PHF3: variants seen among roughly 807,000 people sequenced by gnomAD.
PHF3 encodes PHD finger protein 3.
Under a neutral mutation model 178.4 loss-of-function variants are expected in PHF3, and 41 were observed. That is an observed-to-expected ratio of 0.23 (90% CI 0.18 to 0.30). The LOEUF is 0.30. Among genes scored for constraint, PHF3 ranks in the 10% least tolerant of loss-of-function variants. The pLI is 1.00. For missense variants in PHF3, 2,346 were observed against 2,398.1 expected (o/e 0.98, Z 0.45); for synonymous variants, 842 against 800.5 (o/e 1.05, Z -0.88).
chr6:63,684,524 A>G lies in PHF3; in HGVS notation c.802A>G (p.Lys268Glu), dbSNP rs1332358512. Residue 268 changes from lysine (K) to glutamate (E), a missense_variant, in exon 4 of 16, where the codon AAG becomes GAG. This residue lies in a region of PHF3 where 843 missense variants were observed against 795.2 expected (regional missense o/e 1.06). Transcript: ENST00000262043. Reference protein sequence around the residue: ...LSETCVTIGEKKNEALMECKA... With the variant: ...LSETCVTIGEEKNEALMECKA... ...AGAGACTTGTGTTACTATTGGAGAA[A>G]AGAAAAATGAAGCTTTGATGGAATG... The G allele has an allele frequency of 6.2e-7, 1 of 1,613,310 alleles. No homozygotes were observed. The highest frequency in any genetic ancestry group is 1.7e-5 in the Admixed American group (1 of 59,862).
At chr6:63,707,369 G>A (rs1447356386) in intron 13 of PHF3, among the ~76,000 whole-genome samples, 1 of 152,178 alleles carries the variant, frequency 6.6e-6, no homozygotes, top group Non-Finnish European at 1.5e-5. Flanking sequence ...TTGAAAACCA[G>A]TGAGACTAGT....
chr6:63,698,795 C>T (rs973198967), intron 8 of PHF3, among the ~76,000 whole-genome samples, 190 bp downstream of exon 8: 1 of 152,108 alleles, frequency 6.6e-6, no homozygotes, highest in African/African-American at 2.4e-5. Flanking sequence ...ATTAACCATT[C>T]AGTCTACTGA....
intron 2 of PHF3, among the ~76,000 whole-genome samples, chr6:63,656,752 ACT>A (rs1226409311): frequency 6.6e-6 from 1 of 152,088 alleles, no homozygotes; most frequent in African/African-American, 2.4e-5. Flanking sequence ...ATTTTCTAAT[ACT>A]CTCATACTTG....
chr6:63,648,599 G>A (rs138653150), intron 2 of PHF3, among the ~76,000 whole-genome samples: 1,832 of 152,168 alleles, frequency 0.012, 39 homozygotes, highest in African/African-American at 0.042. Flanking sequence ...AATCTCTTCA[G>A]TTTTGTTGTA....
Position 63,719,605 on chromosome 6 carries a change from G to A in PHF3, c.*5897G>A, listed in dbSNP as rs2149622116. Among the ~76,000 whole-genome samples the A allele has an allele frequency of 6.6e-6, 1 of 152,174 alleles. No individual in the cohort carries two copies. Among genetic ancestry groups the A allele is most frequent in the Admixed American group, 6.6e-5 (1 of 15,244 alleles). On this transcript the variant is annotated 3_prime_UTR_variant, in exon 16 of 16. Transcript: ENST00000262043. Reference sequence around the variant, plus strand: ...TCTGTTCACAATTGTATCAGTAACTGTTTTGGGAAAAATAATATTTTTTCA... The same window carrying A: ...TCTGTTCACAATTGTATCAGTAACTATTTTGGGAAAAATAATATTTTTTCA...
In PHF3 at chr6:63,720,455, T is replaced by C. The variant is rs1582138886; in HGVS notation, c.*6747T>C. On this transcript the variant is annotated 3_prime_UTR_variant, in exon 16 of 16. Transcript: ENST00000262043. ...GAACCTTCAGTGACATTTTACAATCTTATCAAAAAGATATGTTAGCATTTA... is the reference window on the plus strand; with the variant it reads ...GAACCTTCAGTGACATTTTACAATCCTATCAAAAAGATATGTTAGCATTTA... The C allele has an allele frequency of 1.7e-6, 1 of 605,828 alleles. No homozygotes were observed. Among genetic ancestry groups the C allele is most frequent in the East Asian group, 3.0e-5 (1 of 33,102 alleles). The allele number at this position is 605,828 out of a possible 1,614,324, so 37.5% of individuals were successfully genotyped here. A position where few individuals can be genotyped will look rare whatever the true frequency, so the allele number is the denominator to read the frequency against.
In PHF3 at chr6:63,685,023, A is replaced by C; in HGVS notation, c.1301A>C (p.Asn434Thr). Residue 434 changes from asparagine (N) to threonine (T), a missense_variant, in exon 4 of 16, where the codon AAT becomes ACT. Asn to Thr is a moderately conservative substitution (Grantham distance 65). Transcript: ENST00000262043. ...VDTSTFGPES[N>T]ILENAICDVP... ...ACTAGTACTTTTGGACCGGAAAGTA[A>C]TATCTTGGAAAATGCTATTTGTGAT... 3 of 1,614,130 alleles carry C rather than the reference A, an allele frequency of 1.9e-6. No homozygotes were observed. Among genetic ancestry groups the C allele is most frequent in the Non-Finnish European group, 2.5e-6 (3 of 1,179,998 alleles).
At chr6:63,660,030 T>C (rs1045096751) in intron 2 of PHF3, among the ~76,000 whole-genome samples, 1 of 152,058 alleles carries the variant, frequency 6.6e-6, no homozygotes, top group African/African-American at 2.4e-5. Flanking sequence ...TAGGATGTTA[T>C]TTTGTTTTTG....
chr6:63,647,808 T>C (rs1036224402), intron 2 of PHF3, among the ~76,000 whole-genome samples: 4 of 152,196 alleles, frequency 2.6e-5, no homozygotes, highest in Admixed American at 2.0e-4. Flanking sequence ...TGAGTAAAAT[T>C]ATAGGTAAAG....
rs1191137108 is a variant in PHF3, at chr6:63,719,498, T to C, written c.*5790T>C. Among the ~76,000 whole-genome samples the C allele has an allele frequency of 5.3e-5, 8 of 152,214 alleles. No individual in the cohort carries two copies. The highest frequency in any genetic ancestry group is 1.4e-4 in the African/African-American group (6 of 41,570). ...CCAAGTGGCAAAATTATCACAGATA[T>C]CAAACTCAGAAAATGTCAGGTAACA... On this transcript the variant is annotated 3_prime_UTR_variant, in exon 16 of 16. Transcript: ENST00000262043.
chr6:63,690,223 C>T (rs560877142), intron 4 of PHF3, among the ~76,000 whole-genome samples: 1 of 152,136 alleles, frequency 6.6e-6, no homozygotes, highest in South Asian at 2.1e-4. Context: ...GCTTGTCAAC[C>T]CCAAATATTC....
chr6:63,658,739 TGTG>T (rs1765343585), intron 2 of PHF3, among the ~76,000 whole-genome samples: 1 of 150,514 alleles, frequency 6.6e-6, no homozygotes, highest in South Asian at 2.1e-4. Flanking sequence ...TGTGTGTGTG[TGTG>T]TGTGTGTGTG....
intron 1 of PHF3, among the ~76,000 whole-genome samples, chr6:63,644,259 T>C (rs1287580659): frequency 6.6e-6 from 1 of 152,146 alleles, no homozygotes; most frequent in Non-Finnish European, 1.5e-5. Flanking sequence ...GAAGAGGAGG[T>C]GGCTTTGGTT....
At chr6:63,649,040 C>A (rs1764908602) in intron 2 of PHF3, among the ~76,000 whole-genome samples, 2 of 151,790 alleles carry the variant, frequency 1.3e-5, no homozygotes, top group South Asian at 4.2e-4. Context: ...AAAAATTTAA[C>A]TTTTTGTTAG....
intron 1 of PHF3, among the ~76,000 whole-genome samples, chr6:63,640,384 T>C (rs1285340587): frequency 6.6e-6 from 1 of 152,234 alleles, no homozygotes; most frequent in Non-Finnish European, 1.5e-5. Context: ...TGTCACTTAT[T>C]TATTTTGTAA....
At chr6:63,653,291 T>C (rs1484373408) in intron 2 of PHF3, among the ~76,000 whole-genome samples, 1 of 151,964 alleles carries the variant, frequency 6.6e-6, no homozygotes, top group East Asian at 1.9e-4. Context: ...GTAGGTAATG[T>C]GGTCATTTTC....
chr6:63,677,358 G>A (rs932894228), intron 2 of PHF3, among the ~76,000 whole-genome samples: 4 of 152,102 alleles, frequency 2.6e-5, no homozygotes, highest in African/African-American at 9.7e-5. Context: ...AGGAAGAGAA[G>A]GCTTTATCAA....
chr6:63,637,453 T>C (rs1764391229), intron 1 of PHF3, among the ~76,000 whole-genome samples: 1 of 152,226 alleles, frequency 6.6e-6, no homozygotes, highest in South Asian at 2.1e-4. Flanking sequence ...AACTTTTCTA[T>C]TGTAGCATAC....
chr6:63,658,686 A>G (rs1449850253), intron 2 of PHF3, among the ~76,000 whole-genome samples: 1 of 151,310 alleles, frequency 6.6e-6, no homozygotes, highest in East Asian at 1.9e-4. Context: ...AAGGTTTTCC[A>G]GAGAAACAGA....
Sources: gnomAD v4.1 joint callset for allele counts (sites outside exome capture counted in the v4.1 genomes callset) on GRCh38, gnomAD v4.1.1 for gene constraint, gnomAD v4.1.1 regional missense constraint, MANE v1.5 for transcripts, NCBI Gene and HGNC (gene_info 2026-07-23, HGNC 2026-07-21) for gene names.